MPRIP: variants seen among roughly 807,000 people sequenced by gnomAD.
The protein encoded by MPRIP is myosin phosphatase Rho interacting protein.
MPRIP carries 59 observed loss-of-function variants against 234.9 expected under a neutral mutation model. The observed-to-expected ratio is 0.25, with a 90% CI of 0.20 to 0.31. MPRIP has a LOEUF of 0.31. MPRIP is among the 10% of genes least tolerant of loss of function. MPRIP has a pLI of 1.00. For synonymous variants in MPRIP, 1,144 were observed against 1,263.9 expected, an observed-to-expected ratio of 0.91 and a Z score of 2.01; for missense variants, 2,436 against 3,071.0, an observed-to-expected ratio of 0.79 and a Z score of 4.89.
intron 3 of MPRIP, among the ~76,000 whole-genome samples, chr17:17,122,792 C>G (rs1294212570): frequency 5.3e-5 from 8 of 152,230 alleles, no homozygotes; most frequent in Non-Finnish European, 1.0e-4. Flanking sequence ...TGTGAGATGG[C>G]ACAGCCACTT....
intron 1 of MPRIP, among the ~76,000 whole-genome samples, chr17:17,066,606 A>G (rs1267411475): frequency 3.9e-5 from 6 of 151,934 alleles, no homozygotes; most frequent in Non-Finnish European, 7.4e-5. Context: ...CAACAGCCCC[A>G]GTGGATTCCT....
chr17:17,169,237 A>G, intron 16 of MPRIP: 1 of 352,604 alleles, frequency 2.8e-6, no homozygotes, highest in Non-Finnish European at 5.6e-6. Flanking sequence ...GTGCACCTTG[A>G]AAAGTTAATT....
At chr17:17,172,363 A>G (rs572335003) in intron 17 of MPRIP, among the ~76,000 whole-genome samples, 2 of 152,382 alleles carry the variant, frequency 1.3e-5, no homozygotes, top group Admixed American at 6.5e-5. Context: ...CAAGGAAGAA[A>G]ATACACCAGC....
At chr17:17,089,942 C>T (rs2089676470) in intron 3 of MPRIP, among the ~76,000 whole-genome samples, 1 of 152,098 alleles carries the variant, frequency 6.6e-6, no homozygotes, top group South Asian at 2.1e-4. Context: ...TGAAGGTTTC[C>T]CTGACTCAAG....
intron 1 of MPRIP, among the ~76,000 whole-genome samples, chr17:17,051,125 G>GC (rs1414453199): frequency 6.6e-6 from 1 of 152,184 alleles, no homozygotes; most frequent in Non-Finnish European, 1.5e-5. Flanking sequence ...GAGTTCCTGA[G>GC]CCCCCCATGT....
intron 11 of MPRIP, among the ~76,000 whole-genome samples, chr17:17,147,913 A>C (rs1294260731): frequency 6.6e-6 from 1 of 151,950 alleles, no homozygotes; most frequent in Admixed American, 6.6e-5. Flanking sequence ...TTTTTTCTTC[A>C]CCTACAAATA....
At chr17:17,174,715 G>A (rs1175507759) in intron 19 of MPRIP, among the ~76,000 whole-genome samples, 4 of 151,442 alleles carry the variant, frequency 2.6e-5, no homozygotes, top group Admixed American at 2.6e-4. Context: ...GGCGCCTATA[G>A]TCCCATCTAC....
Position 17,188,261 on chromosome 17 carries a change from T to C in MPRIP, c.*3367T>C, listed in dbSNP as rs1379758492. On this transcript the variant is annotated 3_prime_UTR_variant, in exon 24 of 24. Transcript: ENST00000651222. ...GTGCTTCAGGGAGTCATAATGGGCC[T>C]GTGCTAAGTGGGTGATGCAGTGGAC... The C allele has an allele frequency of 1.3e-5, 2 of 152,496 alleles. No homozygotes were observed. The highest frequency in any genetic ancestry group is 3.8e-4 in the East Asian group (2 of 5,196). 9.4% of individuals were successfully genotyped at this position (152,496 alleles called of 1,614,324 possible).
chr17:17,042,923 C>T lies in MPRIP; in HGVS notation c.75C>T (p.Cys25=), dbSNP rs1406848816. Residue 25 remains cysteine, a synonymous_variant, in exon 1 of 24, where the codon TGC becomes TGT. Coordinates refer to ENST00000651222, the MANE Select transcript of MPRIP (RefSeq NM_001364716.4). ...TCAACAAGAGCAAGTGTCAGAACTGCTTCAAGCCCCGCGAGTCGCATCTGC... is the reference window on the plus strand; with the variant it reads ...TCAACAAGAGCAAGTGTCAGAACTGTTTCAAGCCCCGCGAGTCGCATCTGC... ...NIFNKSKCQN[C]FKPRESHLLN... is the part of the protein sequence containing the mutation. 17 of 1,611,038 alleles carry T rather than the reference C, an allele frequency of 1.1e-5. No individual in the cohort carries two copies. The highest frequency in any genetic ancestry group is 1.3e-5 in the African/African-American group (1 of 74,826).
At chr17:17,182,471 G>A (rs1390852133) in intron 23 of MPRIP, 1 of 152,244 alleles carries the variant, frequency 6.6e-6, no homozygotes, top group Non-Finnish European at 1.5e-5. Context: ...GCACTCAGTG[G>A]AGACAACAGC....
Position 17,055,828 on chromosome 17 carries a change from A to G in MPRIP, c.123+12857A>G, listed in dbSNP as rs115910726. On this transcript the variant is annotated intron_variant, in intron 1 of 23. Coordinates refer to ENST00000651222, the MANE Select transcript of MPRIP (RefSeq NM_001364716.4). ...TTGCTGAAGGGTGGCCTGCCCTGGC[A>G]TTGTTTTGTGGCGCTGTTGGTGGTA... Among the ~76,000 whole-genome samples, 1,370 of 152,216 alleles carry G rather than the reference A, an allele frequency of 9.0e-3. 26 individuals are homozygous for G. The highest frequency in any genetic ancestry group is 0.03 in the African/African-American group (1,239 of 41,514).
chr17:17,115,133 G>C (rs570552726), intron 3 of MPRIP, among the ~76,000 whole-genome samples: 46 of 152,352 alleles, frequency 3.0e-4, no homozygotes, highest in African/African-American at 1.1e-3. Context: ...GCCCCCTCCT[G>C]CTAATCCACG....
At position 17,192,494 on chromosome 17, in the gene MPRIP, G is replaced by A. The variant is rs2046615573; in HGVS notation, c.*7600G>A. ...TTTACAAAGTTAGTTTGTGATCAAC[G>A]ATTCACTACAATTGAAGTGTTACTT... On this transcript the variant is annotated 3_prime_UTR_variant, in exon 24 of 24. Transcript: ENST00000651222. 1 of 138,340 alleles carries A rather than the reference G, an allele frequency of 7.2e-6. No individual in the cohort carries two copies. The highest frequency in any genetic ancestry group is 2.3e-4 in the South Asian group (1 of 4,336). 8.6% of individuals were successfully genotyped at this position (138,340 alleles called of 1,614,324 possible).
At chr17:17,182,429 T>G (rs537620284) in intron 23 of MPRIP, 1 of 152,284 alleles carries the variant, frequency 6.6e-6, no homozygotes, top group East Asian at 1.9e-4. Context: ...CCCCCGTGTC[T>G]GTGGTCAGCT....
chr17:17,166,403 G>C lies in MPRIP; in HGVS notation c.4812G>C (p.Pro1604=), dbSNP rs563696385. 1 of 1,304,498 alleles carries C rather than the reference G, an allele frequency of 7.7e-7. No homozygotes were observed. The highest frequency in any genetic ancestry group is 5.5e-5 in the East Asian group (1 of 18,030). 80.8% of individuals were successfully genotyped at this position (1,304,498 alleles called of 1,614,324 possible). ...AGATTTCTTGGTCAGGACAGCCACC[G>C]ATGGAATCTGCTGGGGCCCCCGTAG... ...LHEISWSGQP[P]MESAGAPVDT... is the part of the protein sequence containing the mutation. Residue 1604 remains proline (P), a synonymous_variant, in exon 16 of 24, where the codon CCG becomes CCC. Transcript: ENST00000651222. This position sits in a 1 kb window ranked among gnomAD's most constrained non-coding sequence, Gnocchi z 4.4.
intron 1 of MPRIP, among the ~76,000 whole-genome samples, chr17:17,064,096 T>C (rs2088947061): frequency 6.6e-6 from 1 of 152,038 alleles, no homozygotes; most frequent in Non-Finnish European, 1.5e-5. Context: ...CTCAGGGCCA[T>C]GGCAGGCAGG....
intron 23 of MPRIP, among the ~76,000 whole-genome samples, chr17:17,183,759 G>T (rs908875273): frequency 2.6e-5 from 4 of 152,230 alleles, no homozygotes; most frequent in Non-Finnish European, 4.4e-5. Context: ...GACAGTGCCA[G>T]AGTGTGCCTG....
intron 3 of MPRIP, among the ~76,000 whole-genome samples, chr17:17,105,158 G>A (rs1467052758): frequency 6.6e-6 from 1 of 152,196 alleles, no homozygotes; most frequent in African/African-American, 2.4e-5. Flanking sequence ...AACCTGGGAT[G>A]GGCATCGCTT....
rs1027812734 is a variant in MPRIP at position 17,155,723 on chromosome 17, G to A, written c.1829+1308G>A. Among the ~76,000 whole-genome samples, 7 of 152,220 alleles carry A rather than the reference G, an allele frequency of 4.6e-5. No homozygotes were observed. The South Asian group carries it at 8.3e-4, about 18-fold the overall frequency. On this transcript the variant is annotated intron_variant, in intron 13 of 23. Transcript: ENST00000651222. ...CTAGTAAGGCCAAGAGGCCGTGACC[G>A]GGACAGGTTGCCCTCTGTCTCTCAG...
Sources: allele counts gnomAD v4.1 joint callset (sites outside exome capture counted in the v4.1 genomes callset), GRCh38; gene constraint gnomAD v4.1.1; non-coding constraint Gnocchi (gnomAD v3.1); transcripts MANE v1.5; gene names NCBI Gene and HGNC (gene_info 2026-07-23, HGNC 2026-07-21).